CSNK1G1: variants seen among roughly 807,000 people sequenced by gnomAD.
CSNK1G1 encodes the protein casein kinase 1 gamma 1, also known as casein kinase I isoform gamma-1.
A neutral mutation model predicts 59.6 loss-of-function variants in CSNK1G1; 22 were observed. The observed-to-expected ratio is 0.37, with a 90% CI of 0.26 to 0.53. The LOEUF (loss-of-function observed/expected upper bound fraction) is 0.53. Ranked by LOEUF, CSNK1G1 falls within the 20% of genes least tolerant of loss-of-function variation. The pLI is 0.89. For missense variants in CSNK1G1, 384 were observed against 519.5 expected, an observed-to-expected ratio of 0.74 and a Z score of 2.54; for synonymous variants, 179 against 177.1, an observed-to-expected ratio of 1.01 and a Z score of -0.08.
chr15:64,231,601 G>C (rs1412422422), intron 4 of CSNK1G1, among the ~76,000 whole-genome samples: 1 of 151,510 alleles, frequency 6.6e-6, no homozygotes, highest in Non-Finnish European at 1.5e-5. Flanking sequence ...CAGCCTCTGG[G>C]ACTTGGTTTA....
chr15:64,305,440 G>A (rs2051253066), intron 1 of CSNK1G1, among the ~76,000 whole-genome samples: 1 of 151,950 alleles, frequency 6.6e-6, no homozygotes, highest in Non-Finnish European at 1.5e-5. Context: ...AAAAGGCCAG[G>A]TGCAGTGACT....
At chr15:64,310,776 G>A (rs1167873413) in intron 1 of CSNK1G1, among the ~76,000 whole-genome samples, 4 of 152,068 alleles carry the variant, frequency 2.6e-5, no homozygotes, top group South Asian at 4.1e-4. Context: ...GGAGGCCGAG[G>A]CAGGCAGATC....
rs1248087789 is a variant in CSNK1G1, at chr15:64,335,615, G to A, written c.-225+20373C>T. Among the ~76,000 whole-genome samples the A allele has an allele frequency of 2.6e-5, 4 of 152,114 alleles. No individual in the cohort carries two copies. The South Asian group carries it at 8.3e-4, about 32-fold the overall frequency. On this transcript the variant is annotated intron_variant, in intron 1 of 11. Transcript: ENST00000303052. The stretch of plus-strand genomic sequence containing the variant: ...CATGAATATTTACTTTGTGATTGAT[G>A]ATTTGAATTTTAAGCTTTAATAACC...
intron 2 of CSNK1G1, among the ~76,000 whole-genome samples, chr15:64,288,782 C>T (rs1477372703): frequency 6.6e-6 from 1 of 152,134 alleles, no homozygotes; most frequent in South Asian, 2.1e-4. Flanking sequence ...CCTTAGGATG[C>T]ATGATGACAT....
At chr15:64,174,842 CA>C (rs2081722616) in intron 11 of CSNK1G1, among the ~76,000 whole-genome samples, 1 of 152,176 alleles carries the variant, frequency 6.6e-6, no homozygotes, top group South Asian at 2.1e-4. Flanking sequence ...ACAGTGTTTA[CA>C]AGGACTTCTT....
intron 1 of CSNK1G1, among the ~76,000 whole-genome samples, chr15:64,320,236 C>A (rs1175728347): frequency 1.3e-5 from 2 of 151,470 alleles, no homozygotes; most frequent in Non-Finnish European, 1.5e-5. Flanking sequence ...AGGCACACGT[C>A]AAAAAAACAA....
At chr15:64,251,677 T>C in intron 3 of CSNK1G1, 96 bp from the exon 4 acceptor site, 3 of 805,328 alleles carry the variant, frequency 3.7e-6, no homozygotes, top group South Asian at 3.0e-5. Flanking sequence ...GATCACCCAA[T>C]GTTTTAGAGA....
At position 64,305,526 on chromosome 15, in the gene CSNK1G1, G is replaced by A. The variant is rs534363028; in HGVS notation, c.-224-4803C>T. Among the ~76,000 whole-genome samples the A allele has an allele frequency of 5.3e-5, 8 of 151,868 alleles. No homozygotes were observed. The South Asian group carries it at 1.7e-3, about 32-fold the overall frequency. ...GAGCCCAGGAGTTCAAGAACAGCCT[G>A]GGCAACAAAACGAGATCCTGTCTCT... On this transcript the variant is annotated intron_variant, in intron 1 of 11. Transcript: ENST00000303052.
At chr15:64,349,794 A>G (rs1305520588) in intron 1 of CSNK1G1, among the ~76,000 whole-genome samples, 1 of 152,060 alleles carries the variant, frequency 6.6e-6, no homozygotes. Context: ...TCCAAAATGA[A>G]CCTAGCATGG....
At position 64,200,127 on chromosome 15, in the gene CSNK1G1, C is replaced by A. The variant is rs1231479687; in HGVS notation, c.1107+2955G>T. On this transcript the variant is annotated intron_variant, in intron 10 of 11. Transcript: ENST00000303052. The surrounding 1 kb of genome is among the most constrained non-coding windows in gnomAD (Gnocchi z 4.3). Reference sequence around the variant, plus strand: ...CGGTGTGGTGGCAGGCACCTGTAATCCCAGCTTCTCAGGAAGCTGAGGCAG... The same window carrying A: ...CGGTGTGGTGGCAGGCACCTGTAATACCAGCTTCTCAGGAAGCTGAGGCAG... Among the ~76,000 whole-genome samples, 1 of 151,780 alleles carries A rather than the reference C, an allele frequency of 6.6e-6. No homozygotes were observed. Among genetic ancestry groups the A allele is most frequent in the African/African-American group, 2.4e-5 (1 of 41,354 alleles).
chr15:64,176,549 G>C lies in CSNK1G1; in HGVS notation c.1214+3799C>G, dbSNP rs1056430848. Among the ~76,000 whole-genome samples, 1 of 152,198 alleles carries C rather than the reference G, an allele frequency of 6.6e-6. No individual in the cohort carries two copies. Among genetic ancestry groups the C allele is most frequent in the Admixed American group, 6.5e-5 (1 of 15,278 alleles). ...TCAGGGGTAAGGCAAAACAGAAAGAGTTGGTAGGAGCTCCAGGGTGGGCTT... is the reference window on the plus strand; with the variant it reads ...TCAGGGGTAAGGCAAAACAGAAAGACTTGGTAGGAGCTCCAGGGTGGGCTT... On this transcript the variant is annotated intron_variant, in intron 11 of 11. Coordinates refer to ENST00000303052, the MANE Select transcript of CSNK1G1 (RefSeq NM_022048.5). This position sits in a 1 kb window ranked among gnomAD's most constrained non-coding sequence, Gnocchi z 5.2.
At chr15:64,265,677 AC>A in intron 2 of CSNK1G1, 3 of 351,518 alleles carry the variant, frequency 8.5e-6, no homozygotes, top group South Asian at 6.8e-5. Flanking sequence ...AAAAAAAAAA[AC>A]CTAGGAATAA....
chr15:64,253,506 G>A (rs1229899920), intron 3 of CSNK1G1, among the ~76,000 whole-genome samples: 1 of 152,096 alleles, frequency 6.6e-6, no homozygotes, highest in Non-Finnish European at 1.5e-5. Context: ...CTGGAAAATG[G>A]CATGGCAATT....
intron 2 of CSNK1G1, among the ~76,000 whole-genome samples, chr15:64,293,060 A>G (rs1163624224): frequency 6.6e-6 from 1 of 152,190 alleles, no homozygotes; most frequent in Non-Finnish European, 1.5e-5. Flanking sequence ...TAATGTTTAC[A>G]TGATTCTTTC....
intron 10 of CSNK1G1, chr15:64,181,124 C>T (rs2081807353): frequency 1.4e-6 from 2 of 1,445,456 alleles, no homozygotes; most frequent in Non-Finnish European, 1.8e-6. Flanking sequence ...AAGATTGTCA[C>T]ATCCTCTCCG....
At chr15:64,320,649 A>C in intron 1 of CSNK1G1, among the ~76,000 whole-genome samples, 1 of 149,404 alleles carries the variant, frequency 6.7e-6, no homozygotes, top group African/African-American at 2.5e-5. Context: ...AATGTACTCC[A>C]GCCTGGGTGA....
chr15:64,243,166 T>C (rs1226141310), intron 4 of CSNK1G1, among the ~76,000 whole-genome samples: 1 of 152,066 alleles, frequency 6.6e-6, no homozygotes, highest in African/African-American at 2.4e-5. Flanking sequence ...TGATACCCTG[T>C]CTCTACTAAA....
At position 64,242,298 on chromosome 15, in the gene CSNK1G1, A is replaced by G. The variant is rs148050267; in HGVS notation, c.292+9214T>C. ...ATTTCATGTGGAATTGTAATCTCCA[A>G]TGCTGGAGGTGGGGCTTGGTGGGAG... On this transcript the variant is annotated intron_variant, in intron 4 of 11. Coordinates refer to ENST00000303052, the MANE Select transcript of CSNK1G1 (RefSeq NM_022048.5). 9.6e-3 allele frequency among the ~76,000 whole-genome samples: 1,456 copies of G among 152,312 alleles called. 13 individuals are homozygous for G. The highest frequency in any genetic ancestry group is 0.016 in the Non-Finnish European group (1,065 of 68,026).
chr15:64,284,112 T>C (rs1008078303), intron 2 of CSNK1G1, among the ~76,000 whole-genome samples: 2 of 152,218 alleles, frequency 1.3e-5, no homozygotes, highest in African/African-American at 2.4e-5. Flanking sequence ...CCCCATTGTA[T>C]GGTCTTGACA....
Sources: gnomAD v4.1 joint callset for allele counts (sites outside exome capture counted in the v4.1 genomes callset) on GRCh38, gnomAD v4.1.1 for gene constraint, Gnocchi (gnomAD v3.1) non-coding constraint, MANE v1.5 for transcripts, NCBI Gene and HGNC (gene_info 2026-07-23, HGNC 2026-07-21) for gene names.